Variants in KRT14 observed in about 807,000 individuals in gnomAD.
KRT14 encodes keratin, type I cytoskeletal 14.
KRT14 carries 30 observed loss-of-function variants against 44.5 expected under a neutral mutation model. That is an observed-to-expected ratio of 0.67 (90% CI 0.50 to 0.92). KRT14 has a LOEUF of 0.92. KRT14 is among the 40% of genes least tolerant of loss of function. KRT14 has a pLI of 0.00. For missense variants in KRT14, 535 were observed against 640.6 expected (o/e 0.84, Z 1.78); for synonymous variants, 241 against 257.6 (o/e 0.94, Z 0.62).
In KRT14 at chr17:41,582,580, G is replaced by T. The variant is rs760258938; in HGVS notation, c.1322-48C>A. 6 of 1,444,402 alleles carry T rather than the reference G, an allele frequency of 4.2e-6. No individual in the cohort carries two copies. In the African/African-American group the frequency reaches 7.1e-5, roughly 17 times the overall value. 89.5% of individuals were successfully genotyped at this position (1,444,402 alleles called of 1,614,324 possible). On this transcript the variant is annotated intron_variant, in intron 7 of 7. Coordinates refer to ENST00000167586, the MANE Select transcript of KRT14 (RefSeq NM_000526.5). Reference sequence around the variant, plus strand: ...ACGTTACCAGAGGTGGACAGACAATGGACTAATCAGGAGTAAGGAGGCCAA... The same window carrying T: ...ACGTTACCAGAGGTGGACAGACAATTGACTAATCAGGAGTAAGGAGGCCAA...
In KRT14 at chr17:41,586,716, C is replaced by A. The variant is rs1354476154; in HGVS notation, c.119G>T (p.Cys40Phe). Residue 40 changes from cysteine (C) to phenylalanine (F), a missense_variant, in exon 1 of 8, where the codon TGC becomes TTC. Transcript: ENST00000167586. Reference protein sequence around the residue: ...RISSVLAGGSCRAPSTYGGGL... With the variant: ...RISSVLAGGSFRAPSTYGGGL... Reference sequence around the variant, plus strand: ...GCCCCCGTAGGTGCTGGGGGCGCGGCAGGACCCTCCGGCCAGGACGGAGGA... The same window carrying A: ...GCCCCCGTAGGTGCTGGGGGCGCGGAAGGACCCTCCGGCCAGGACGGAGGA... The A allele has an allele frequency of 1.9e-6, 3 of 1,588,734 alleles. No individual in the cohort carries two copies. The highest frequency in any genetic ancestry group is 1.7e-6 in the Non-Finnish European group (2 of 1,168,314).
In KRT14 at chr17:41,582,626, T is replaced by C. The variant is rs1442583035; in HGVS notation, c.1322-94A>G. On this transcript the variant is annotated intron_variant, in intron 7 of 7. Transcript: ENST00000167586. Reference sequence around the variant, plus strand: ...GCCAAGAAGGTGAGGAAACTCAAACTGGCTCCCCATTGCCCTCTCCCCTGA... The same window carrying C: ...GCCAAGAAGGTGAGGAAACTCAAACCGGCTCCCCATTGCCCTCTCCCCTGA... 7 of 986,894 alleles carry C rather than the reference T, an allele frequency of 7.1e-6. 1 individual carries two copies. The Admixed American group carries it at 1.4e-4, about 20-fold the overall frequency. The allele number at this position is 986,894 out of a possible 1,614,324, so 61.1% of individuals were successfully genotyped here.
Position 41,585,032 on chromosome 17 carries a change from G to A in KRT14, c.551C>T (p.Ala184Val). The part of the protein sequence containing the change: ...NKILTATVDN[A>V]NVLLQIDNAR... ...ATTGTCAATCTGCAGAAGGACATTG[G>A]CATTGTCCACTGTGGCTGTGAGAAT... The change falls in exon 2 of 8, where the codon GCC (alanine) becomes GTC (valine). Residue 184 changes from alanine to valine, a missense_variant. Coordinates refer to ENST00000167586, the MANE Select transcript of KRT14 (RefSeq NM_000526.5). The A allele has an allele frequency of 6.2e-7, 1 of 1,613,896 alleles. No homozygotes were observed. Among genetic ancestry groups the A allele is most frequent in the Non-Finnish European group, 8.5e-7 (1 of 1,179,760 alleles).
chr17:41,583,847 C>G lies in KRT14; in HGVS notation c.840G>C (p.Leu280=). The G allele has an allele frequency of 6.2e-7, 1 of 1,614,164 alleles. No homozygotes were observed. The highest frequency in any genetic ancestry group is 8.5e-7 in the Non-Finnish European group (1 of 1,180,038). The change falls in exon 4 of 8, where the codon CTG becomes CTC. Residue 280 remains leucine, a synonymous_variant. Transcript: ENST00000167586. ...CACGCATCTCGTTCAGAATGCGGCT[C>G]AGGTCCACGCCAGGTGCAGCGTCCA... ...VEMDAAPGVD[L]SRILNEMRDQ...
intron 1 of KRT14, among the ~76,000 whole-genome samples, chr17:41,586,077 G>A (rs1317141744): frequency 1.3e-5 from 2 of 152,198 alleles, no homozygotes; most frequent in Non-Finnish European, 2.9e-5. Flanking sequence ...TGTAAGGATA[G>A]GAATCACTGA....
In KRT14 at chr17:41,584,242, C is replaced by G. The variant is rs765241402; in HGVS notation, c.765+15G>C. 1.2e-5 allele frequency: 20 copies of G among 1,613,718 alleles called. No homozygotes were observed. The South Asian group carries it at 2.1e-4, about 17-fold the overall frequency. ...CTGCATTTCTTTTAAGCTGACTTTT[C>G]CATATAGTTCTCACCTCCTCGTGGT... is the stretch of plus-strand genomic sequence containing the variant. On this transcript the variant is annotated intron_variant, in intron 3 of 7. Transcript: ENST00000167586.
chr17:41,584,045 C>T, intron 3 of KRT14, 124 bp from the exon 4 acceptor site: 1 of 880,980 alleles, frequency 1.1e-6, no homozygotes, highest in Non-Finnish European at 1.8e-6. Context: ...CTCTCTCTCT[C>T]TCTCAATCTC....
Position 41,582,815 on chromosome 17 carries a change from C to G in KRT14, c.1321+279G>C, listed in dbSNP as rs1907377564. 6 of 602,026 alleles carry G rather than the reference C, an allele frequency of 1.0e-5. No homozygotes were observed. The East Asian group carries it at 1.7e-4, about 17-fold the overall frequency. 37.3% of individuals were successfully genotyped at this position (602,026 alleles called of 1,614,324 possible). ...ATCCATATTCACCCAATGGAGTGGT[C>G]TCAGTGGGAAGAGCCCTGTAGGGCC... On this transcript the variant is annotated intron_variant, in intron 7 of 7. Coordinates refer to ENST00000167586, the MANE Select transcript of KRT14 (RefSeq NM_000526.5).
At chr17:41,584,841 T>C in intron 2 of KRT14, 134 bp downstream of exon 2, 1 of 734,032 alleles carries the variant, frequency 1.4e-6, no homozygotes, top group Admixed American at 2.0e-5. Context: ...CCAAGAGTCT[T>C]ATTCTTTTAT....
intron 1 of KRT14, among the ~76,000 whole-genome samples, chr17:41,585,622 T>C (rs527955300): frequency 1.3e-4 from 20 of 152,308 alleles, no homozygotes; most frequent in African/African-American, 4.6e-4. Context: ...CACCTCATCA[T>C]TGAATTTCCC....
intron 1 of KRT14, 38 bp from the exon 2 acceptor site, chr17:41,585,095 G>A (rs1235619925): frequency 1.2e-5 from 17 of 1,477,302 alleles, no homozygotes; most frequent in South Asian, 3.4e-5. Context: ...TTGTCAAATG[G>A]ACTTCACAAG....
intron 1 of KRT14, among the ~76,000 whole-genome samples, chr17:41,585,778 G>T (rs1227795944): frequency 1.3e-5 from 2 of 152,244 alleles, no homozygotes; most frequent in African/African-American, 4.8e-5. Context: ...CACACTAATT[G>T]TCTCTGCAGG....
In KRT14 at chr17:41,583,407, T is replaced by C. The variant is rs763248185; in HGVS notation, c.1102A>G (p.Met368Val). 3.1e-6 allele frequency: 5 copies of C among 1,614,008 alleles called. No homozygotes were observed. The highest frequency in any genetic ancestry group is 4.2e-6 in the Non-Finnish European group (5 of 1,180,034). Residue 368 changes from methionine (M) to valine (V), a missense_variant, in exon 6 of 8, where the codon ATG becomes GTG. Coordinates refer to ENST00000167586, the MANE Select transcript of KRT14 (RefSeq NM_000526.5). ...ATCTCCTGGATCTGGGCCAGCTGCA[T>C]GCAGTAGCGACCTTTGGTCTCCTCC... ...SLEETKGRYC[M>V]QLAQIQEMIG... is the part of the protein sequence containing the mutation.
intron 4 of KRT14, 39 bp downstream of exon 4, chr17:41,583,721 C>A (rs1907421868): frequency 6.2e-7 from 1 of 1,614,158 alleles, no homozygotes; most frequent in African/African-American, 1.3e-5. Flanking sequence ...CCCCAGAAGG[C>A]AGGTGGTCTG....
chr17:41,584,075 T>A (rs1225351364), intron 3 of KRT14, among the ~76,000 whole-genome samples, 154 bp from the exon 4 acceptor site: 1 of 130,270 alleles, frequency 7.7e-6, no homozygotes, highest in African/African-American at 3.0e-5. Flanking sequence ...CTCTCTTTTT[T>A]TTTTTTTTTT....
intron 1 of KRT14, 97 bp from the exon 2 acceptor site, chr17:41,585,154 T>G (rs1907487480): frequency 1.1e-6 from 1 of 930,120 alleles, no homozygotes; most frequent in Admixed American, 1.9e-5. Context: ...TGTTCTTGCC[T>G]GAATCCCCCT....
rs1300625743 is a variant in KRT14 at position 41,583,850 on chromosome 17, G to A, written c.837C>T (p.Asp279=). ...GCATCTCGTTCAGAATGCGGCTCAGGTCCACGCCAGGTGCAGCGTCCATCT... is the reference window on the plus strand; with the variant it reads ...GCATCTCGTTCAGAATGCGGCTCAGATCCACGCCAGGTGCAGCGTCCATCT... ...NVEMDAAPGV[D]LSRILNEMRD... is the part of the protein sequence containing the mutation. The change falls in exon 4 of 8, where the codon GAC becomes GAT. Residue 279 remains aspartate (D), a synonymous_variant. Transcript: ENST00000167586. 5 of 1,613,948 alleles carry A rather than the reference G, an allele frequency of 3.1e-6. No homozygotes were observed. Among genetic ancestry groups the A allele is most frequent in the African/African-American group, 1.3e-5 (1 of 74,858 alleles).
At position 41,583,259 on chromosome 17, in the gene KRT14, C is replaced by T. The variant is rs61085704; in HGVS notation, c.1250G>A (p.Arg417His). The T allele has an allele frequency of 1.5e-5, 24 of 1,613,524 alleles. No individual in the cohort carries two copies. Among genetic ancestry groups the T allele is most frequent in the East Asian group, 2.2e-5 (1 of 44,858 alleles). ...CTGGGCGTCCTCGCCCTCCAGCAGG[C>T]GGCGGTAGGTGGCGATCTCCTGCTC... ...RLEQEIATYR[R>H]LLEGEDAHLS... The change falls in exon 6 of 8, where the codon CGC becomes CAC. Residue 417 changes from arginine (R) to histidine (H), a missense_variant. Coordinates refer to ENST00000167586, the MANE Select transcript of KRT14 (RefSeq NM_000526.5).
rs779062825 is a variant in KRT14 at position 41,582,489 on chromosome 17, C to T, written c.1365G>A (p.Val455=). The T allele has an allele frequency of 2.0e-5, 32 of 1,574,124 alleles. No homozygotes were observed. The highest frequency in any genetic ancestry group is 2.7e-5 in the Non-Finnish European group (31 of 1,159,666). The change falls in exon 8 of 8, where the codon GTG becomes GTA. Residue 455 remains valine, a synonymous_variant. Coordinates refer to ENST00000167586, the MANE Select transcript of KRT14 (RefSeq NM_000526.5). ...SRQIRTKVMD[V]HDGKVVSTHE... is the part of the protein sequence containing the mutation. ...GGGTGGACACCACCTTGCCATCGTG[C>T]ACATCCATGACCTTGGTGCGGATTT...
Sources: gnomAD v4.1 joint callset for allele counts (sites outside exome capture counted in the v4.1 genomes callset) on GRCh38, gnomAD v4.1.1 for gene constraint, MANE v1.5 for transcripts, NCBI Gene and HGNC (gene_info 2026-07-23, HGNC 2026-07-21) for gene names.